CMSS1: variants seen among roughly 807,000 people sequenced by gnomAD.
CMSS1 encodes the protein protein CMSS1.
In CMSS1, 33 loss-of-function variants were observed where a neutral mutation model predicts 43.5. That is an observed-to-expected ratio of 0.76 (90% CI 0.57 to 1.01). The LOEUF (loss-of-function observed/expected upper bound fraction) is 1.01, where lower values mean the gene tolerates loss of function less well. CMSS1 is among the 50% of genes least tolerant of loss of function. The probability of loss-of-function intolerance (pLI) is 0.00; values close to 1 mark genes in which losing one functional copy is unlikely to be tolerated. For synonymous variants in CMSS1, 115 were observed against 117.2 expected, an observed-to-expected ratio of 0.98 and a Z score of 0.12; for missense variants, 313 against 326.4, an observed-to-expected ratio of 0.96 and a Z score of 0.32.
chr3:99,932,371 ATT>A (rs1707510572), intron 1 of CMSS1, among the ~76,000 whole-genome samples: 1 of 152,088 alleles, frequency 6.6e-6, no homozygotes, highest in Non-Finnish European at 1.5e-5. Context: ...CCTAGATTAT[ATT>A]TTTGAGATTC....
intron 1 of CMSS1, among the ~76,000 whole-genome samples, chr3:99,889,007 C>T (rs1267296170): frequency 6.6e-6 from 1 of 152,114 alleles, no homozygotes; most frequent in Non-Finnish European, 1.5e-5. Context: ...TATCCTTTGA[C>T]ATTAAGGTTT....
chr3:100,104,326 G>A (rs1466116801), intron 1 of CMSS1, among the ~76,000 whole-genome samples: 1 of 152,158 alleles, frequency 6.6e-6, no homozygotes, highest in Non-Finnish European at 1.5e-5. Context: ...TGACATAGCT[G>A]TGGTCACACA....
chr3:100,070,605 A>G (rs2065744935), intron 1 of CMSS1, among the ~76,000 whole-genome samples: 1 of 152,092 alleles, frequency 6.6e-6, no homozygotes, highest in African/African-American at 2.4e-5. Flanking sequence ...TAAAGACTTC[A>G]TATCATCGTG....
Position 99,981,636 on chromosome 3 carries a change from A to G in CMSS1, c.64+163593A>G, listed in dbSNP as rs1027818500. Among the ~76,000 whole-genome samples, 12 of 152,322 alleles carry G rather than the reference A, an allele frequency of 7.9e-5. No homozygotes were observed. In the South Asian group the frequency reaches 1.0e-3, roughly 13 times the overall value. On this transcript the variant is annotated intron_variant, in intron 1 of 9. Coordinates refer to ENST00000421999, the MANE Select transcript of CMSS1 (RefSeq NM_032359.4). ...TGAATCCCCGTTTTGCAAGTGGAAA[A>G]TTGACAGTTTCAATAACTTGTCCAA...
At chr3:99,829,218 C>T (rs1322551390) in intron 1 of CMSS1, among the ~76,000 whole-genome samples, 1 of 118,572 alleles carries the variant, frequency 8.4e-6, no homozygotes, top group African/African-American at 2.9e-5. Context: ...TGTTTAGTGT[C>T]GTTCCATTGA....
At chr3:99,899,437 C>G (rs1372820830) in intron 1 of CMSS1, among the ~76,000 whole-genome samples, 1 of 152,134 alleles carries the variant, frequency 6.6e-6, no homozygotes, top group African/African-American at 2.4e-5. Flanking sequence ...ATTATTCTAC[C>G]TAAATCTTTT....
At chr3:100,039,711 T>TGGTA (rs2065169327) in intron 1 of CMSS1, 1 of 152,062 alleles carries the variant, frequency 6.6e-6, no homozygotes, top group African/African-American at 2.4e-5. Flanking sequence ...AAATGGCATG[T>TGGTA]GGTAATTCCC....
intron 1 of CMSS1, among the ~76,000 whole-genome samples, chr3:99,922,922 T>C (rs1707169978): frequency 6.6e-6 from 1 of 152,214 alleles, no homozygotes; most frequent in East Asian, 1.9e-4. Flanking sequence ...CTTACCACTT[T>C]ATTGAAATGG....
intron 1 of CMSS1, among the ~76,000 whole-genome samples, chr3:100,026,367 A>T (rs1307250780): frequency 6.6e-6 from 1 of 152,052 alleles, no homozygotes; most frequent in African/African-American, 2.4e-5. Flanking sequence ...GCTATTTATT[A>T]TTCAGAAGGC....
intron 1 of CMSS1, among the ~76,000 whole-genome samples, chr3:100,097,470 A>G (rs1192281801): frequency 6.6e-6 from 1 of 152,214 alleles, no homozygotes; most frequent in Non-Finnish European, 1.5e-5. Context: ...TTCTGTGGAT[A>G]TGGAGGGACA....
At chr3:100,105,253 T>C (rs942350587) in intron 1 of CMSS1, among the ~76,000 whole-genome samples, 22 of 152,210 alleles carry the variant, frequency 1.4e-4, no homozygotes, top group African/African-American at 5.3e-4. Context: ...AAATAACATA[T>C]AATTGAAGCT....
intron 1 of CMSS1, among the ~76,000 whole-genome samples, chr3:99,887,678 A>C (rs1167659742): frequency 6.6e-6 from 1 of 152,210 alleles, no homozygotes; most frequent in African/African-American, 2.4e-5. Flanking sequence ...ATATAAGTAC[A>C]ATATATTTAT....
At chr3:100,133,533 G>T (rs1178157562) in intron 1 of CMSS1, among the ~76,000 whole-genome samples, 6 of 151,876 alleles carry the variant, frequency 4.0e-5, no homozygotes, top group African/African-American at 9.7e-5. Flanking sequence ...TGAAGGAAAA[G>T]GGTAAAAAAA....
intron 1 of CMSS1, among the ~76,000 whole-genome samples, chr3:99,995,087 G>A (rs7640817): frequency 0.015 from 2,229 of 152,086 alleles, 53 homozygotes; most frequent in African/African-American, 0.052. Flanking sequence ...CCCAAAACGC[G>A]CAGTCCAAAG....
At chr3:99,995,274 G>T (rs1025080873) in intron 1 of CMSS1, among the ~76,000 whole-genome samples, 1 of 152,162 alleles carries the variant, frequency 6.6e-6, no homozygotes, top group Non-Finnish European at 1.5e-5. Flanking sequence ...AAATTCAGTG[G>T]GGCAGTCAAA....
intron 6 of CMSS1, among the ~76,000 whole-genome samples, chr3:100,169,533 AATC>A (rs1216422321): frequency 6.6e-6 from 1 of 152,272 alleles, no homozygotes; most frequent in African/African-American, 2.4e-5. Context: ...GAACTAATCT[AATC>A]ATGAATTTAG....
chr3:99,824,112 G>A (rs1432441154), intron 1 of CMSS1, among the ~76,000 whole-genome samples: 1 of 151,930 alleles, frequency 6.6e-6, no homozygotes, highest in Non-Finnish European at 1.5e-5. Flanking sequence ...TAGCAGAGAC[G>A]GGATTTCACC....
intron 1 of CMSS1, among the ~76,000 whole-genome samples, chr3:100,121,255 C>G (rs771371618): frequency 1.3e-5 from 2 of 150,326 alleles, no homozygotes; most frequent in East Asian, 2.0e-4. Flanking sequence ...CCCCCACCCC[C>G]CTACAGGCCC....
At chr3:100,005,131 C>T (rs1401247312) in intron 1 of CMSS1, among the ~76,000 whole-genome samples, 2 of 152,192 alleles carry the variant, frequency 1.3e-5, no homozygotes, top group Admixed American at 1.3e-4. Flanking sequence ...AATACCAAAC[C>T]TTATCTTACT....
Sources: allele counts gnomAD v4.1 joint callset (sites outside exome capture counted in the v4.1 genomes callset), GRCh38; gene constraint gnomAD v4.1.1; transcripts MANE v1.5; gene names NCBI Gene and HGNC (gene_info 2026-07-23, HGNC 2026-07-21).